MERTK: variants seen among roughly 807,000 people sequenced by gnomAD.
MERTK encodes tyrosine-protein kinase Mer.
In MERTK, 69 loss-of-function variants were observed where a neutral mutation model predicts 99.3. That is an observed-to-expected ratio of 0.70 (90% CI 0.57 to 0.85). MERTK has a LOEUF of 0.85. Among genes scored for constraint, MERTK ranks in the 40% least tolerant of loss-of-function variants. The pLI, the probability that MERTK is intolerant of heterozygous loss-of-function variation, is 0.00. For missense variants in MERTK, 1,125 were observed against 1,249.4 expected, an observed-to-expected ratio of 0.90 and a Z score of 1.50; for synonymous variants, 426 against 467.6, an observed-to-expected ratio of 0.91 and a Z score of 1.15.
Position 111,997,103 on chromosome 2 carries a change from A to G in MERTK, c.1451-220A>G, listed in dbSNP as rs985032405. 6 of 706,320 alleles carry G rather than the reference A, an allele frequency of 8.5e-6. No individual in the cohort carries two copies. In the African/African-American group the frequency reaches 8.7e-5, roughly 10 times the overall value. 43.8% of individuals were successfully genotyped at this position (706,320 alleles called of 1,614,324 possible). On this transcript the variant is annotated intron_variant, in intron 9 of 18. Transcript: ENST00000295408. ...GGAGTACAGTGTGACATTTTGATCT[A>G]TGTATATGTTATGGAATGAGTAAAT... is the stretch of plus-strand genomic sequence containing the variant.
In MERTK at chr2:111,908,745, C is replaced by T. The variant is rs935885074; in HGVS notation, c.61+9949C>T. 3.9e-4 allele frequency among the ~76,000 whole-genome samples: 60 copies of T among 152,312 alleles called. 1 individual carries two copies. Among genetic ancestry groups the T allele is most frequent in the African/African-American group, 1.4e-3 (59 of 41,568 alleles). On this transcript the variant is annotated intron_variant, in intron 1 of 18. Coordinates refer to ENST00000295408, the MANE Select transcript of MERTK (RefSeq NM_006343.3). The stretch of plus-strand genomic sequence containing the variant: ...CCATGATAAAGTCAATGACCTGGCT[C>T]TTGGCTCTGACATCTATAGTGTATG...
chr2:111,955,985 G>A (rs1685141567), intron 4 of MERTK, among the ~76,000 whole-genome samples: 1 of 130,418 alleles, frequency 7.7e-6, no homozygotes, highest in African/African-American at 2.8e-5. Flanking sequence ...AGGGGAGGGG[G>A]GAGGGATAGC....
Position 112,028,871 on chromosome 2 carries a change from G to A in MERTK, c.*7G>A. On this transcript the variant is annotated 3_prime_UTR_variant, in exon 19 of 19. Coordinates refer to ENST00000295408, the MANE Select transcript of MERTK (RefSeq NM_006343.3). Reference sequence around the variant, plus strand: ...CTCAGAAGTCCTGATGTGAGGAGAGGTGCGGGGAGACATTCCAAAAATCAA... The same window carrying A: ...CTCAGAAGTCCTGATGTGAGGAGAGATGCGGGGAGACATTCCAAAAATCAA... 6.2e-7 allele frequency: 1 copy of A among 1,613,620 alleles called. No homozygotes were observed. Among genetic ancestry groups the A allele is most frequent in the Non-Finnish European group, 8.5e-7 (1 of 1,180,028 alleles).
chr2:111,960,947 C>T (rs1485247447), intron 4 of MERTK, among the ~76,000 whole-genome samples: 1 of 151,336 alleles, frequency 6.6e-6, no homozygotes, highest in Non-Finnish European at 1.5e-5. Flanking sequence ...GATATAAAGA[C>T]CCCGAGGCAG....
At chr2:111,928,906 C>T (rs1283215920) in intron 1 of MERTK, among the ~76,000 whole-genome samples, 1 of 152,114 alleles carries the variant, frequency 6.6e-6, no homozygotes, top group Non-Finnish European at 1.5e-5. Context: ...GGGGTGGTTA[C>T]ATTTCTTCAG....
intron 10 of MERTK, among the ~76,000 whole-genome samples, chr2:111,998,031 A>G (rs986703932): frequency 6.6e-6 from 1 of 152,138 alleles, no homozygotes; most frequent in Non-Finnish European, 1.5e-5. Flanking sequence ...GTGTATGGCT[A>G]TACTTTGGAG....
intron 1 of MERTK, among the ~76,000 whole-genome samples, chr2:111,910,763 C>T (rs1446124562): frequency 6.6e-6 from 1 of 151,884 alleles, no homozygotes; most frequent in Non-Finnish European, 1.5e-5. Context: ...TGTCCTCACT[C>T]ATAGGTGGAA....
At chr2:111,947,341 C>G (rs1167373505) in intron 3 of MERTK, 53 bp from the exon 4 acceptor site, 32 of 1,502,780 alleles carry the variant, frequency 2.1e-5, no homozygotes, top group Non-Finnish European at 2.8e-5. Context: ...CCTTTGGGCT[C>G]TGTCTCTGTT....
intron 6 of MERTK, among the ~76,000 whole-genome samples, chr2:111,974,901 C>T (rs932237019): frequency 6.6e-6 from 1 of 151,858 alleles, no homozygotes; most frequent in Non-Finnish European, 1.5e-5. Context: ...TCAGGGTTTG[C>T]CAGCACATAT....
intron 13 of MERTK, among the ~76,000 whole-genome samples, chr2:112,006,731 G>A (rs375894219): frequency 6.6e-6 from 1 of 152,300 alleles, no homozygotes; most frequent in African/African-American, 2.4e-5. Flanking sequence ...TTACCTGCAG[G>A]TTGGACCCCT....
In MERTK at chr2:111,944,993, G is replaced by A. The variant is rs745393409; in HGVS notation, c.516G>A (p.Ser172=). 24 of 1,613,584 alleles carry A rather than the reference G, an allele frequency of 1.5e-5. No individual in the cohort carries two copies. Among genetic ancestry groups the A allele is most frequent in the African/African-American group, 4.0e-5 (3 of 75,030 alleles). Residue 172 remains serine, a synonymous_variant, in exon 3 of 19, where the codon TCG becomes TCA. Coordinates refer to ENST00000295408, the MANE Select transcript of MERTK (RefSeq NM_006343.3). ...ITSVQRSDNG[S]YICKMKINNE... ...GTGTGCAGCGTTCAGACAATGGGTC[G>A]TATATCTGTAAGATGAAAATAAACA...
intron 18 of MERTK, among the ~76,000 whole-genome samples, chr2:112,027,373 G>A (rs529964887): frequency 6.6e-6 from 1 of 151,612 alleles, no homozygotes; most frequent in Admixed American, 6.6e-5. Context: ...GCCTGGCCCT[G>A]AAATGTCAGG....
chr2:112,020,187 C>T (rs1677308922), intron 16 of MERTK, among the ~76,000 whole-genome samples: 2 of 152,350 alleles, frequency 1.3e-5, no homozygotes, highest in Middle Eastern at 3.4e-3. Flanking sequence ...CGCCTCCCAG[C>T]CGACCCTGCC....
At chr2:111,964,995 G>A (rs991594464) in intron 4 of MERTK, among the ~76,000 whole-genome samples, 196 bp from the exon 5 acceptor site, 1 of 152,166 alleles carries the variant, frequency 6.6e-6, no homozygotes, top group African/African-American at 2.4e-5. Flanking sequence ...TGGGCCCATG[G>A]CTACCTTGCT....
chr2:111,936,185 G>C (rs1002511052), intron 2 of MERTK, among the ~76,000 whole-genome samples: 3 of 151,962 alleles, frequency 2.0e-5, no homozygotes, highest in African/African-American at 7.3e-5. Flanking sequence ...CAAAGTGCTG[G>C]TATTATAGGC....
Position 112,001,244 on chromosome 2 carries a change from A to G in MERTK, c.1648A>G (p.Ile550Val), listed in dbSNP as rs1010192314. ...GGATTCTGAATTAGTGGTGAATTATATAGCAAAGAAATCCTTCTGTCGGCG... is the reference window on the plus strand; with the variant it reads ...GGATTCTGAATTAGTGGTGAATTATGTAGCAAAGAAATCCTTCTGTCGGCG... The part of the protein sequence containing the change: ...EEDSELVVNY[I>V]AKKSFCRRAI... The change falls in exon 11 of 19, where the codon ATA becomes GTA. Residue 550 changes from isoleucine (I) to valine (V), a missense_variant. Physicochemically the swap from Ile to Val is conservative, Grantham distance 29. Transcript: ENST00000295408. 5 of 1,613,956 alleles carry G rather than the reference A, an allele frequency of 3.1e-6. No individual in the cohort carries two copies. The highest frequency in any genetic ancestry group is 4.2e-6 in the Non-Finnish European group (5 of 1,179,824).
chr2:111,919,803 T>C (rs939953592), intron 1 of MERTK, among the ~76,000 whole-genome samples: 1 of 149,898 alleles, frequency 6.7e-6, no homozygotes, highest in African/African-American at 2.4e-5. Flanking sequence ...TCTTTTCTTT[T>C]TTTTTTTTTT....
chr2:111,978,738 C>G (rs930122141), intron 7 of MERTK, among the ~76,000 whole-genome samples: 2 of 152,108 alleles, frequency 1.3e-5, no homozygotes, highest in African/African-American at 4.8e-5. Context: ...CTTTGCACGC[C>G]TGATAATGTT....
intron 1 of MERTK, among the ~76,000 whole-genome samples, chr2:111,923,167 G>A (rs552175098): frequency 1.3e-5 from 2 of 152,286 alleles, no homozygotes; most frequent in South Asian, 4.1e-4. Flanking sequence ...CATCATGATG[G>A]GTTCAGATGA....
Sources: allele counts gnomAD v4.1 joint callset (sites outside exome capture counted in the v4.1 genomes callset), GRCh38; gene constraint gnomAD v4.1.1; transcripts MANE v1.5; gene names NCBI Gene and HGNC (gene_info 2026-07-23, HGNC 2026-07-21).